Variants in TSGA10 observed in about 807,000 individuals in gnomAD.
The protein encoded by TSGA10 is testis specific 10.
Under a neutral mutation model 96.6 loss-of-function variants are expected in TSGA10, and 43 were observed. That is an observed-to-expected ratio of 0.44 (90% CI 0.35 to 0.57). The LOEUF (loss-of-function observed/expected upper bound fraction) is 0.57. Among genes scored for constraint, TSGA10 ranks in the 20% least tolerant of loss-of-function variants. The pLI, the probability that TSGA10 is intolerant of heterozygous loss-of-function variation, is 0.01. For synonymous variants in TSGA10, 229 were observed against 269.9 expected (o/e 0.85, Z 1.48); for missense variants, 703 against 834.4 (o/e 0.84, Z 1.94).
chr2:99,044,621 C>G (rs1017292809), intron 16 of TSGA10, among the ~76,000 whole-genome samples: 34 of 152,058 alleles, frequency 2.2e-4, no homozygotes, highest in African/African-American at 7.7e-4. Context: ...TTAGACAAAT[C>G]AATGAGACAG....
intron 6 of TSGA10, among the ~76,000 whole-genome samples, 165 bp from the exon 7 acceptor site, chr2:99,109,156 T>C (rs2091607728): frequency 6.6e-6 from 1 of 152,204 alleles, no homozygotes; most frequent in African/African-American, 2.4e-5. Context: ...ACAGCTTCAT[T>C]CCAAATTATT....
intron 1 of TSGA10, among the ~76,000 whole-genome samples, chr2:99,133,666 G>A (rs201660391): frequency 1.3e-5 from 2 of 152,336 alleles, no homozygotes; most frequent in East Asian, 3.9e-4. Flanking sequence ...AGTTGATGCA[G>A]TTTCTTCATA....
At chr2:99,150,479 TCAGTAATCAAG>T in intron 1 of TSGA10, 1 of 1,463,162 alleles carries the variant, frequency 6.8e-7, no homozygotes, top group Non-Finnish European at 9.2e-7. Flanking sequence ...TTTTTTTTTT[TCAGTAATCAAG>T]TTGAAGAAAC....
chr2:99,062,515 C>T (rs2084814279), intron 16 of TSGA10, among the ~76,000 whole-genome samples: 1 of 152,116 alleles, frequency 6.6e-6, no homozygotes, highest in African/African-American at 2.4e-5. Flanking sequence ...GTGGGAGGAT[C>T]ACTTGAGGCC....
chr2:99,103,915 C>A, intron 10 of TSGA10, 52 bp downstream of exon 10: 1 of 1,560,806 alleles, frequency 6.4e-7, no homozygotes. Flanking sequence ...CTATAAAAAG[C>A]AGAGCTATAG....
At chr2:99,126,774 T>G (rs1020632496) in intron 2 of TSGA10, 35 of 188,250 alleles carry the variant, frequency 1.9e-4, no homozygotes, top group African/African-American at 7.9e-4. Flanking sequence ...TCCACATCTA[T>G]AAATGGAAAC....
chr2:99,100,860 A>C (rs1278560356), intron 10 of TSGA10, among the ~76,000 whole-genome samples: 1 of 150,260 alleles, frequency 6.7e-6, no homozygotes, highest in Admixed American at 6.6e-5. Context: ...TAAATTACAC[A>C]TATAAATATG....
At chr2:99,030,006 G>GT (rs1401976168) in intron 17 of TSGA10, among the ~76,000 whole-genome samples, 2 of 152,226 alleles carry the variant, frequency 1.3e-5, no homozygotes, top group Non-Finnish European at 2.9e-5. Context: ...CCTAGAACTA[G>GT]TAAGTGGATT....
At chr2:99,098,607 C>T (rs2090358313) in intron 10 of TSGA10, among the ~76,000 whole-genome samples, 2 of 94,062 alleles carry the variant, frequency 2.1e-5, no homozygotes, top group African/African-American at 6.2e-5. Flanking sequence ...AAACAAAAAA[C>T]AAACAATAGG....
intron 20 of TSGA10, among the ~76,000 whole-genome samples, chr2:99,005,123 G>C (rs2078341128): frequency 6.6e-6 from 1 of 152,144 alleles, no homozygotes; most frequent in African/African-American, 2.4e-5. Context: ...CAATAAATTA[G>C]GTATTGATGG....
chr2:99,114,064 G>C (rs1461986135), intron 4 of TSGA10, among the ~76,000 whole-genome samples: 1 of 152,134 alleles, frequency 6.6e-6, no homozygotes, highest in Non-Finnish European at 1.5e-5. Context: ...TTAAAAATAA[G>C]ACTAAAAGTA....
At chr2:99,075,043 TA>T (rs929916343) in intron 12 of TSGA10, among the ~76,000 whole-genome samples, 22 of 151,090 alleles carry the variant, frequency 1.5e-4, no homozygotes, top group African/African-American at 3.2e-4. Context: ...AAGTGCATCT[TA>T]AAAAAAAATA....
intron 1 of TSGA10, chr2:99,141,108 C>G (rs781634496): frequency 1.2e-5 from 15 of 1,284,636 alleles, no homozygotes; most frequent in African/African-American, 6.1e-5. Context: ...CCTCCCCGGG[C>G]TCCTCGGCCC....
At chr2:99,004,326 A>T (rs1488244448) in intron 20 of TSGA10, among the ~76,000 whole-genome samples, 1 of 152,150 alleles carries the variant, frequency 6.6e-6, no homozygotes, top group African/African-American at 2.4e-5. Flanking sequence ...AACCAAAAAA[A>T]GTCCAGGACT....
intron 2 of TSGA10, among the ~76,000 whole-genome samples, chr2:99,123,838 A>T (rs1158586697): frequency 6.6e-6 from 1 of 152,226 alleles, no homozygotes; most frequent in Non-Finnish European, 1.5e-5. Flanking sequence ...TCTGAGTTAT[A>T]TTCCATTGTA....
intron 16 of TSGA10, among the ~76,000 whole-genome samples, chr2:99,052,124 T>G (rs1334883064): frequency 6.6e-6 from 1 of 151,222 alleles, no homozygotes; most frequent in Non-Finnish European, 1.5e-5. Context: ...AATAAAAATA[T>G]AAAGGATTGG....
At chr2:98,999,341 C>A (rs762505484) in intron 20 of TSGA10, among the ~76,000 whole-genome samples, 29 of 152,108 alleles carry the variant, frequency 1.9e-4, no homozygotes, top group Non-Finnish European at 4.3e-4. Context: ...GAAAGTCAAC[C>A]ACTAGAGGCT....
At chr2:99,005,417 T>G (rs905346407) in intron 20 of TSGA10, among the ~76,000 whole-genome samples, 6 of 152,324 alleles carry the variant, frequency 3.9e-5, no homozygotes, top group South Asian at 2.1e-4. Context: ...CAAAATCTCC[T>G]TAAGCTGATA....
intron 20 of TSGA10, among the ~76,000 whole-genome samples, chr2:99,012,901 A>T (rs914083768): frequency 2.0e-5 from 3 of 152,198 alleles, no homozygotes; most frequent in Non-Finnish European, 4.4e-5. Context: ...ACATGGAACA[A>T]TCTCCAAGAT....
Sources: allele counts gnomAD v4.1 joint callset (sites outside exome capture counted in the v4.1 genomes callset), GRCh38; gene constraint gnomAD v4.1.1; transcripts MANE v1.5; gene names NCBI Gene and HGNC (gene_info 2026-07-23, HGNC 2026-07-21).